The following MSRA variants were observed in gnomAD, a reference collection of about 807,000 sequenced individuals.
The protein encoded by MSRA is mitochondrial peptide methionine sulfoxide reductase.
Under a neutral mutation model 31.3 loss-of-function variants are expected in MSRA, and 54 were observed. The ratio of observed to expected loss-of-function variants is 1.73; its 90% CI spans 1.39 to 2.17. MSRA has a LOEUF of 2.17. MSRA is among the 30% of genes most tolerant of loss of function. The pLI, the probability that MSRA is intolerant of heterozygous loss-of-function variation, is 0.00. For missense variants in MSRA, 507 were observed against 300.9 expected (o/e 1.69, Z -5.07); for synonymous variants, 169 against 116.5 (o/e 1.45, Z -2.90).
intron 5 of MSRA, among the ~76,000 whole-genome samples, chr8:10,401,815 A>G (rs1447651486): frequency 1.3e-5 from 2 of 152,196 alleles, no homozygotes; most frequent in African/African-American, 4.8e-5. Flanking sequence ...CAAAAAGACA[A>G]ATACTGTATG....
chr8:10,257,229 C>G (rs576108613), intron 3 of MSRA, among the ~76,000 whole-genome samples: 1 of 152,140 alleles, frequency 6.6e-6, no homozygotes, highest in African/African-American at 2.4e-5. Context: ...GATCCTTAGG[C>G]AGCCTGGAAG....
At chr8:10,228,357 C>T (rs1194475350) in intron 2 of MSRA, among the ~76,000 whole-genome samples, 3 of 152,146 alleles carry the variant, frequency 2.0e-5, no homozygotes, top group Non-Finnish European at 4.4e-5. Context: ...GTTTCTGTGC[C>T]CCTGACTCTA....
intron 1 of MSRA, among the ~76,000 whole-genome samples, chr8:10,197,316 A>G (rs1027339076): frequency 2.0e-5 from 3 of 152,198 alleles, no homozygotes; most frequent in Admixed American, 1.3e-4. Flanking sequence ...AAGTATTACA[A>G]AGGTGAAAAT....
intron 5 of MSRA, among the ~76,000 whole-genome samples, chr8:10,382,683 G>A (rs1806145582): frequency 6.6e-6 from 1 of 152,186 alleles, no homozygotes; most frequent in Non-Finnish European, 1.5e-5. Context: ...TGCATTCAGA[G>A]TTAGCAGAGG....
intron 1 of MSRA, among the ~76,000 whole-genome samples, chr8:10,195,110 A>G: frequency 6.6e-6 from 1 of 152,190 alleles, no homozygotes. Context: ...AGCATGGATT[A>G]TTTTATGCAA....
intron 2 of MSRA, among the ~76,000 whole-genome samples, chr8:10,216,780 C>G (rs964446628): frequency 1.3e-5 from 2 of 152,086 alleles, no homozygotes; most frequent in African/African-American, 4.8e-5. Flanking sequence ...ATCTATAGAC[C>G]ACATTTGGTT....
chr8:10,134,093 A>G (rs1397914696), intron 1 of MSRA, among the ~76,000 whole-genome samples: 3 of 152,028 alleles, frequency 2.0e-5, no homozygotes, highest in Non-Finnish European at 4.4e-5. Flanking sequence ...CAGCCTTCCA[A>G]AGTGCTGGGA....
chr8:10,316,784 C>T (rs1801752377), intron 4 of MSRA, among the ~76,000 whole-genome samples: 1 of 152,166 alleles, frequency 6.6e-6, no homozygotes, highest in South Asian at 2.1e-4. Flanking sequence ...GGAGGTGTCA[C>T]CTGGATAATA....
intron 5 of MSRA, among the ~76,000 whole-genome samples, chr8:10,321,665 C>T (rs1367507171): frequency 2.6e-5 from 4 of 152,256 alleles, no homozygotes; most frequent in East Asian, 1.9e-4. Flanking sequence ...GATTGTGGCT[C>T]GTATTGTGAA....
At chr8:10,204,239 T>C (rs747421408) in intron 1 of MSRA, among the ~76,000 whole-genome samples, 1 of 152,196 alleles carries the variant, frequency 6.6e-6, no homozygotes, top group Non-Finnish European at 1.5e-5. Context: ...TAATTTAGTA[T>C]TGAAGAAAGA....
intron 1 of MSRA, among the ~76,000 whole-genome samples, chr8:10,149,607 A>G (rs1032748726): frequency 6.6e-6 from 1 of 152,006 alleles, no homozygotes; most frequent in Non-Finnish European, 1.5e-5. Flanking sequence ...CGTTTTAATA[A>G]CATTGTTTGG....
rs959322850 is a variant in MSRA at position 10,284,293 on chromosome 8, A to C, written c.332-17241A>C. ...AACCTCCACCTCCCAGGTTCAAGCA[A>C]TTCTCCTGCCTCAGCCTCCCGAATA... On this transcript the variant is annotated intron_variant, in intron 3 of 5. Transcript: ENST00000317173. 5.3e-5 allele frequency among the ~76,000 whole-genome samples: 8 copies of C among 152,124 alleles called. No homozygotes were observed. In the East Asian group the frequency reaches 1.6e-3, roughly 30 times the overall value.
intron 3 of MSRA, among the ~76,000 whole-genome samples, chr8:10,258,107 G>C (rs1217660094): frequency 6.6e-6 from 1 of 152,154 alleles, no homozygotes; most frequent in African/African-American, 2.4e-5. Flanking sequence ...GGGTAGGCTA[G>C]TGTCCCTGTT....
Position 10,266,264 on chromosome 8 carries a change from C to T in MSRA, c.331+21041C>T, listed in dbSNP as rs549469868. Among the ~76,000 whole-genome samples, 20 of 152,274 alleles carry T rather than the reference C, an allele frequency of 1.3e-4. No individual in the cohort carries two copies. In the East Asian group the frequency reaches 3.9e-3, roughly 29 times the overall value. ...CTTGCTCATTAGCAGTTGGTATGGC[C>T]AGTCTTTTTACTTCTAGTGATTGTA... On this transcript the variant is annotated intron_variant, in intron 3 of 5. Transcript: ENST00000317173.
chr8:10,428,163 G>A lies in MSRA; in HGVS notation c.559G>A (p.Gly187Ser), dbSNP rs201155438. The A allele has an allele frequency of 2.0e-5, 33 of 1,612,814 alleles. No individual in the cohort carries two copies. The highest frequency in any genetic ancestry group is 6.7e-5 in the East Asian group (3 of 44,882). The change falls in exon 6 of 6, where the codon GGC becomes AGC. Residue 187 changes from glycine (G) to serine (S), a missense_variant. Transcript: ENST00000317173. ...GTCCCCACAGGTTCTTTCAGAGCACGGCTTCGGCCCCATCACTACCGACAT... is the reference window on the plus strand; with the variant it reads ...GTCCCCACAGGTTCTTTCAGAGCACAGCTTCGGCCCCATCACTACCGACAT... ...ENYQKVLSEH[G>S]FGPITTDIRE...
At position 10,348,357 on chromosome 8, in the gene MSRA, C is replaced by CTTTTTT. The variant is rs34083972; in HGVS notation, c.543+28388_543+28393dup. 1.4e-3 allele frequency among the ~76,000 whole-genome samples: 89 copies of CTTTTTT among 64,268 alleles called. 2 individuals carry two copies. Among genetic ancestry groups the CTTTTTT allele is most frequent in the African/African-American group, 1.9e-3 (28 of 15,070 alleles). 42.2% of individuals were successfully genotyped at this position (64,268 alleles called of 152,430 possible). A position where few individuals can be genotyped will look rare whatever the true frequency, so the allele number is the denominator to read the frequency against. ...CCAACTTATATCCAGAAATTATTGCCTTTTTTTTTTTTTTTTTTTTTTTTT... is the reference window on the plus strand; with the variant it reads ...CCAACTTATATCCAGAAATTATTGCCTTTTTTTTTTTTTTTTTTTTTTTTTTTTTTT... On this transcript the variant is annotated intron_variant, in intron 5 of 5. Coordinates refer to ENST00000317173, the MANE Select transcript of MSRA (RefSeq NM_012331.5).
At chr8:10,293,767 C>T (rs1224341005) in intron 3 of MSRA, among the ~76,000 whole-genome samples, 3 of 152,074 alleles carry the variant, frequency 2.0e-5, no homozygotes, top group South Asian at 2.1e-4. Flanking sequence ...CCTTCTCTTC[C>T]TCCTTGCCCT....
At chr8:10,098,499 A>C (rs1220680870) in intron 1 of MSRA, among the ~76,000 whole-genome samples, 2 of 152,202 alleles carry the variant, frequency 1.3e-5, no homozygotes, top group Non-Finnish European at 2.9e-5. Flanking sequence ...TAAATATGCT[A>C]ATATTTTATT....
chr8:10,063,168 C>G (rs771763325), intron 1 of MSRA, among the ~76,000 whole-genome samples: 3 of 152,186 alleles, frequency 2.0e-5, no homozygotes, highest in Admixed American at 6.5e-5. Context: ...CACTGCTCTC[C>G]TCTCAAATCC....
Sources: gnomAD v4.1 joint callset for allele counts (sites outside exome capture counted in the v4.1 genomes callset) on GRCh38, gnomAD v4.1.1 for gene constraint, MANE v1.5 for transcripts, NCBI Gene and HGNC (gene_info 2026-07-23, HGNC 2026-07-21) for gene names.